WDR88: variants seen among roughly 807,000 people sequenced by gnomAD.
WDR88 encodes WD repeat domain 88, also known as WD repeat-containing protein 88.
Under a neutral mutation model 46.8 loss-of-function variants are expected in WDR88, and 40 were observed. That is an observed-to-expected ratio of 0.86 (90% CI 0.66 to 1.11). WDR88 has a LOEUF of 1.11. WDR88 is among the 50% of genes most tolerant of loss of function. The pLI is 0.00. For missense variants in WDR88, 562 were observed against 602.4 expected (o/e 0.93, Z 0.70); for synonymous variants, 235 against 240.7 (o/e 0.98, Z 0.22).
chr19:33,169,774 A>G (rs1229749538), intron 9 of WDR88, among the ~76,000 whole-genome samples: 2 of 152,064 alleles, frequency 1.3e-5, no homozygotes, highest in Non-Finnish European at 2.9e-5. Flanking sequence ...TACTAAATCT[A>G]TAAGCTTGCT....
Position 33,137,705 on chromosome 19 carries a change from A to T in WDR88, c.305A>T (p.Glu102Val). 5.0e-6 allele frequency: 8 copies of T among 1,614,040 alleles called. No individual in the cohort carries two copies. Among genetic ancestry groups the T allele is most frequent in the Non-Finnish European group, 6.8e-6 (8 of 1,180,016 alleles). The change falls in exon 2 of 11, where the codon GAG becomes GTG. Residue 102 changes from glutamate to valine, a missense_variant. By Grantham distance (121) the Glu-to-Val change is moderately radical. Coordinates refer to ENST00000355868, the MANE Select transcript of WDR88 (RefSeq NM_173479.4). ...KIPFKILSGH[E>V]HAVSTCHFCV... ...CCATTTAAAATTCTGAGTGGGCACG[A>T]GCACGCTGTGAGCACCTGCCACTTC... is the stretch of plus-strand genomic sequence containing the variant.
intron 10 of WDR88, chr19:33,174,147 C>G: frequency 1.3e-6 from 2 of 1,535,782 alleles, no homozygotes; most frequent in Non-Finnish European, 1.7e-6. Flanking sequence ...CTATCCGCAC[C>G]CAAACTGGGA....
chr19:33,172,114 G>T (rs771353810), intron 9 of WDR88, among the ~76,000 whole-genome samples: 1 of 151,984 alleles, frequency 6.6e-6, no homozygotes, highest in African/African-American at 2.4e-5. Context: ...TATAATCCTG[G>T]GCAATGACTC....
intron 5 of WDR88, 56 bp downstream of exon 5, chr19:33,148,966 CACTG>C: frequency 1.2e-6 from 2 of 1,608,722 alleles, no homozygotes; most frequent in East Asian, 2.2e-5. Flanking sequence ...AGCCACTTGT[CACTG>C]ACTGACGGTG....
At chr19:33,142,705 C>G (rs769789913) in intron 2 of WDR88, 1 of 151,480 alleles carries the variant, frequency 6.6e-6, no homozygotes, top group Non-Finnish European at 1.5e-5. Flanking sequence ...GCCCTTCTGC[C>G]GACTCAAAAG....
At chr19:33,133,435 C>T (rs1434888942) in intron 1 of WDR88, among the ~76,000 whole-genome samples, 5 of 152,052 alleles carry the variant, frequency 3.3e-5, no homozygotes, top group Non-Finnish European at 7.4e-5. Flanking sequence ...GTAATCCCAG[C>T]TACTCAGGAG....
intron 2 of WDR88, among the ~76,000 whole-genome samples, chr19:33,140,506 T>A (rs1227840195): frequency 6.6e-6 from 1 of 152,058 alleles, no homozygotes; most frequent in Non-Finnish European, 1.5e-5. Context: ...AAAAGACACG[T>A]CGGCTGGGCG....
chr19:33,147,475 C>T (rs868366823), intron 3 of WDR88, among the ~76,000 whole-genome samples, 170 bp from the exon 4 acceptor site: 12 of 151,624 alleles, frequency 7.9e-5, no homozygotes, highest in Middle Eastern at 6.9e-3. Context: ...TGGTGGCGGG[C>T]GCCTGTAATC....
chr19:33,166,043 T>G (rs1457012401), intron 9 of WDR88, among the ~76,000 whole-genome samples: 3 of 151,908 alleles, frequency 2.0e-5, no homozygotes, highest in Non-Finnish European at 4.4e-5. Flanking sequence ...GAGGATCGCT[T>G]AAGTCCAGGA....
chr19:33,136,511 A>G (rs1973270795), intron 1 of WDR88, among the ~76,000 whole-genome samples: 1 of 151,886 alleles, frequency 6.6e-6, no homozygotes. Flanking sequence ...TTTCATTTGC[A>G]CTTTCCTGAT....
At chr19:33,132,988 C>T (rs117840971) in intron 1 of WDR88, among the ~76,000 whole-genome samples, 4,947 of 151,222 alleles carry the variant, frequency 0.033, 120 homozygotes, top group Admixed American at 0.046. Flanking sequence ...AGTGAGAGGT[C>T]GTCTCTACAA....
rs1323995360 is a variant in WDR88 at position 33,156,294 on chromosome 19, A to T, written c.810-61A>T. The T allele has an allele frequency of 5.9e-6, 9 of 1,537,594 alleles. No individual in the cohort carries two copies. In the East Asian group the frequency reaches 1.8e-4, roughly 31 times the overall value. On this transcript the variant is annotated intron_variant, in intron 6 of 10. Coordinates refer to ENST00000355868, the MANE Select transcript of WDR88 (RefSeq NM_173479.4). ...GGAGAAAATACCCCCGGCTTTAGGT[A>T]TGTCTTCAGGTCCTCCAGGAGCAAA... is the stretch of plus-strand genomic sequence containing the variant.
rs565392295 is a variant in WDR88, at chr19:33,153,253, C to T, written c.809+1943C>T. On this transcript the variant is annotated intron_variant, in intron 6 of 10. Coordinates refer to ENST00000355868, the MANE Select transcript of WDR88 (RefSeq NM_173479.4). ...TGTTTTTTTTTTTTTTTTGCAGAAACGGGGTCTCATTATGTCTCCCAAGCT... is the reference window on the plus strand; with the variant it reads ...TGTTTTTTTTTTTTTTTTGCAGAAATGGGGTCTCATTATGTCTCCCAAGCT... Among the ~76,000 whole-genome samples, 4 of 133,144 alleles carry T rather than the reference C, an allele frequency of 3.0e-5. 1 individual carries two copies. The highest frequency in any genetic ancestry group is 4.7e-4 in the South Asian group (2 of 4,294). The allele number at this position is 133,144 out of a possible 152,430, so 87.3% of individuals were successfully genotyped here.
intron 2 of WDR88, 103 bp downstream of exon 2, chr19:33,137,890 G>T (rs1014306672): frequency 1.0e-6 from 1 of 955,928 alleles, no homozygotes; most frequent in African/African-American, 1.7e-5. Flanking sequence ...GCACTTGTGG[G>T]TCCTGGTTTG....
intron 10 of WDR88, 33 bp downstream of exon 10, chr19:33,172,473 G>A: frequency 1.3e-6 from 2 of 1,531,820 alleles, no homozygotes; most frequent in Non-Finnish European, 1.8e-6. Context: ...CCCAGTGAAG[G>A]CTTTCGTTAG....
At chr19:33,162,460 G>A (rs934472027) in intron 8 of WDR88, among the ~76,000 whole-genome samples, 4 of 151,398 alleles carry the variant, frequency 2.6e-5, no homozygotes, top group South Asian at 4.2e-4. Context: ...TGATCTATCC[G>A]CCTCGGCCTC....
In WDR88 at chr19:33,145,058, G is replaced by A. The variant is rs182737005; in HGVS notation, c.476+126G>A. ...TATGGGGTCTCACCATGTGGCCTAA[G>A]CTGGTCTCGAACCTGTGGTCTCAAG... On this transcript the variant is annotated intron_variant, in intron 3 of 10. Coordinates refer to ENST00000355868, the MANE Select transcript of WDR88 (RefSeq NM_173479.4). 188 of 897,326 alleles carry A rather than the reference G, an allele frequency of 2.1e-4. 1 individual carries two copies. In the East Asian group the frequency reaches 2.4e-3, roughly 12 times the overall value. The allele number at this position is 897,326 out of a possible 1,614,324, so 55.6% of individuals were successfully genotyped here.
chr19:33,144,768 A>G, intron 2 of WDR88, 76 bp from the exon 3 acceptor site: 1 of 1,357,802 alleles, frequency 7.4e-7, no homozygotes, highest in Non-Finnish European at 1.0e-6. Flanking sequence ...CTAAGGGCTA[A>G]TGTTGACCTC....
intron 3 of WDR88, 135 bp downstream of exon 3, chr19:33,145,067 G>A (rs1194305248): frequency 1.5e-5 from 12 of 825,582 alleles, no homozygotes; most frequent in Middle Eastern, 3.4e-4. Context: ...AGCTGGTCTC[G>A]AACCTGTGGT....
Sources: gnomAD v4.1 joint callset for allele counts (sites outside exome capture counted in the v4.1 genomes callset) on GRCh38, gnomAD v4.1.1 for gene constraint, MANE v1.5 for transcripts, NCBI Gene and HGNC (gene_info 2026-07-23, HGNC 2026-07-21) for gene names.